Variants in FBXL7 observed in about 807,000 individuals in gnomAD.
FBXL7 encodes F-box/LRR-repeat protein 7.
FBXL7 carries 12 observed loss-of-function variants against 38.3 expected under a neutral mutation model. That is an observed-to-expected ratio of 0.31 (90% confidence interval 0.20 to 0.51). FBXL7 has a LOEUF of 0.51. Among genes scored for constraint, FBXL7 ranks in the 20% least tolerant of loss-of-function variants. The pLI, the probability that FBXL7 is intolerant of heterozygous loss-of-function variation, is 0.98. For synonymous variants in FBXL7, 297 were observed against 300.9 expected (o/e 0.99, Z 0.13); for missense variants, 567 against 676.4 (o/e 0.84, Z 1.79).
intron 2 of FBXL7, among the ~76,000 whole-genome samples, chr5:15,804,608 A>G (rs1336641148): frequency 1.3e-5 from 2 of 152,208 alleles, no homozygotes; most frequent in African/African-American, 2.4e-5. Context: ...GCCGCAGACC[A>G]GTACCCATCC....
intron 1 of FBXL7, among the ~76,000 whole-genome samples, chr5:15,510,123 A>C (rs1431011464): frequency 6.6e-6 from 1 of 152,248 alleles, no homozygotes; most frequent in East Asian, 1.9e-4. Context: ...AACCAGTAAC[A>C]AAATGAAAAA....
chr5:15,648,532 G>C (rs544250441), intron 2 of FBXL7, among the ~76,000 whole-genome samples: 5 of 152,252 alleles, frequency 3.3e-5, no homozygotes, highest in African/African-American at 7.2e-5. Flanking sequence ...TCTTTTGCCT[G>C]TCTGAACTAA....
intron 3 of FBXL7, among the ~76,000 whole-genome samples, chr5:15,929,641 A>C (rs72736152): frequency 4.7e-5 from 7 of 149,846 alleles, no homozygotes; most frequent in African/African-American, 1.5e-4. Flanking sequence ...AAAAAAAAAA[A>C]AAAAGAAAAA....
intron 2 of FBXL7, among the ~76,000 whole-genome samples, chr5:15,824,570 G>A (rs1354976484): frequency 1.3e-5 from 2 of 152,048 alleles, no homozygotes; most frequent in East Asian, 1.9e-4. Flanking sequence ...AAGGTTTTCT[G>A]TAGCTGAAAT....
chr5:15,518,402 G>T (rs1347311600), intron 1 of FBXL7, among the ~76,000 whole-genome samples: 1 of 152,196 alleles, frequency 6.6e-6, no homozygotes, highest in South Asian at 2.1e-4. Flanking sequence ...TTTGGACCTG[G>T]CAGGGGAAGG....
chr5:15,604,255 A>G (rs764946971), intron 1 of FBXL7, among the ~76,000 whole-genome samples: 18 of 152,362 alleles, frequency 1.2e-4, no homozygotes, highest in Middle Eastern at 3.4e-3. Context: ...ATAATGCACA[A>G]TGGATTGATT....
At chr5:15,843,451 C>A (rs966442196) in intron 2 of FBXL7, among the ~76,000 whole-genome samples, 2 of 152,006 alleles carry the variant, frequency 1.3e-5, no homozygotes, top group Admixed American at 6.6e-5. Flanking sequence ...AGTAAATATT[C>A]GAATGAATAA....
chr5:15,839,051 G>T (rs1419288553), intron 2 of FBXL7, among the ~76,000 whole-genome samples: 1 of 150,060 alleles, frequency 6.7e-6, no homozygotes, highest in Non-Finnish European at 1.5e-5. Flanking sequence ...GCTATGGACT[G>T]CTTCTTCATA....
intron 2 of FBXL7, among the ~76,000 whole-genome samples, chr5:15,926,950 T>C (rs1175231013): frequency 2.0e-5 from 3 of 151,728 alleles, no homozygotes; most frequent in Non-Finnish European, 2.9e-5. Flanking sequence ...CATTTGTAAA[T>C]GCAACATAAT....
intron 2 of FBXL7, among the ~76,000 whole-genome samples, chr5:15,654,417 TG>T (rs1741810328): frequency 2.1e-5 from 2 of 95,528 alleles, no homozygotes; most frequent in African/African-American, 4.6e-5. Context: ...CATAAAAAAC[TG>T]AAAAAAAAAA....
intron 2 of FBXL7, among the ~76,000 whole-genome samples, chr5:15,616,777 A>G (rs181056366): frequency 1.4e-4 from 22 of 152,282 alleles, no homozygotes; most frequent in African/African-American, 5.1e-4. Flanking sequence ...AGCTCTTTTT[A>G]TTTTAATGTT....
intron 2 of FBXL7, among the ~76,000 whole-genome samples, chr5:15,871,791 G>A (rs1267263000): frequency 6.6e-6 from 1 of 152,174 alleles, no homozygotes; most frequent in East Asian, 1.9e-4. Context: ...ATGGGACTAT[G>A]TGAAAAAACC....
chr5:15,777,742 A>AAAAAAAAAAAAAAAAAAAAAAAAT (rs1736893581), intron 2 of FBXL7, among the ~76,000 whole-genome samples: 1 of 147,990 alleles, frequency 6.8e-6, no homozygotes, highest in Non-Finnish European at 1.5e-5. Context: ...AAAAAAAAAA[A>AAAAAAAAAAAAAAAAAAAAAAAAT]AAAAGTAAAT....
intron 2 of FBXL7, among the ~76,000 whole-genome samples, chr5:15,742,791 G>A (rs1386463772): frequency 6.6e-6 from 1 of 152,148 alleles, no homozygotes; most frequent in African/African-American, 2.4e-5. Flanking sequence ...ATTTATAAAG[G>A]AAAGAGGTCT....
intron 1 of FBXL7, 32 bp downstream of exon 1, chr5:15,500,745 A>T (rs765109023): frequency 1.9e-6 from 3 of 1,601,186 alleles, no homozygotes; most frequent in Non-Finnish European, 1.7e-6. Context: ...AGACTCCCGG[A>T]TCGCGTCCCT....
At chr5:15,891,574 C>G (rs1235746062) in intron 2 of FBXL7, among the ~76,000 whole-genome samples, 1 of 152,152 alleles carries the variant, frequency 6.6e-6, no homozygotes, top group Non-Finnish European at 1.5e-5. Context: ...GAGACACAAT[C>G]AGCAAATATA....
intron 2 of FBXL7, among the ~76,000 whole-genome samples, chr5:15,921,015 C>A (rs1411257590): frequency 1.3e-5 from 2 of 152,138 alleles, no homozygotes; most frequent in Non-Finnish European, 2.9e-5. Context: ...GCTCCTCTGT[C>A]TTTCCTCGAG....
intron 2 of FBXL7, among the ~76,000 whole-genome samples, chr5:15,676,775 G>A (rs989978597): frequency 2.0e-5 from 3 of 152,190 alleles, no homozygotes; most frequent in African/African-American, 7.2e-5. Flanking sequence ...AGCATTTGAA[G>A]CAGAAGATGA....
At chr5:15,570,668 C>T (rs1738748424) in intron 1 of FBXL7, among the ~76,000 whole-genome samples, 1 of 152,210 alleles carries the variant, frequency 6.6e-6, no homozygotes, top group African/African-American at 2.4e-5. Context: ...TGTGTGCCAG[C>T]ATTAACAGAA....
Sources: gnomAD v4.1 joint callset for allele counts (sites outside exome capture counted in the v4.1 genomes callset) on GRCh38, gnomAD v4.1.1 for gene constraint, MANE v1.5 for transcripts, NCBI Gene and HGNC (gene_info 2026-07-23, HGNC 2026-07-21) for gene names.